The following TLN2 variants were observed in gnomAD, a reference collection of about 807,000 sequenced individuals.
TLN2 encodes the protein talin-2.
A neutral mutation model predicts 294.7 loss-of-function variants in TLN2; 118 were observed. That is an observed-to-expected ratio of 0.40 (90% confidence interval 0.34 to 0.47). The LOEUF is 0.47. TLN2 is among the 20% of genes least tolerant of loss of function. The pLI is 0.84. For synonymous variants in TLN2, 1,431 were observed against 1,304.5 expected (o/e 1.10, Z -2.09); for missense variants, 3,083 against 3,282.2 (o/e 0.94, Z 1.48).
chr15:62,686,834 G>T (rs201477913), intron 12 of TLN2, 38 bp downstream of exon 12: 293 of 1,607,036 alleles, frequency 1.8e-4, no homozygotes, highest in Non-Finnish European at 2.4e-4. Context: ...CACTAGCGTG[G>T]CCTTGAGTGA....
chr15:62,484,813 T>G (rs971970073), intron 1 of TLN2, among the ~76,000 whole-genome samples: 1 of 152,188 alleles, frequency 6.6e-6, no homozygotes, highest in Non-Finnish European at 1.5e-5. Flanking sequence ...TCAAAAGGGA[T>G]GAAAACTCGC....
intron 9 of TLN2, among the ~76,000 whole-genome samples, chr15:62,658,979 G>C (rs935832753): frequency 6.6e-6 from 1 of 152,144 alleles, no homozygotes; most frequent in Non-Finnish European, 1.5e-5. Flanking sequence ...AGAAAATGGA[G>C]GGAAGATTGA....
chr15:62,681,644 G>A lies in TLN2; in HGVS notation c.958-4997G>A, dbSNP rs190315661. On this transcript the variant is annotated intron_variant, in intron 11 of 58. Transcript: ENST00000636159. ...AATAGTAGAAACTTATATGACCTTA[G>A]GGAAAGTACCTAAACTCTCTAAATC... 2.3e-3 allele frequency among the ~76,000 whole-genome samples: 347 copies of A among 152,166 alleles called. 3 individuals are homozygous for A. Among genetic ancestry groups the A allele is most frequent in the African/African-American group, 8.1e-3 (337 of 41,510 alleles).
intron 19 of TLN2, among the ~76,000 whole-genome samples, chr15:62,703,325 A>G (rs991483291): frequency 6.6e-6 from 1 of 152,048 alleles, no homozygotes; most frequent in South Asian, 2.1e-4. Context: ...CTGGTCTCGA[A>G]CTTTGACCTC....
intron 1 of TLN2, among the ~76,000 whole-genome samples, chr15:62,575,195 C>T (rs1346690951): frequency 6.6e-6 from 1 of 151,924 alleles, no homozygotes; most frequent in Non-Finnish European, 1.5e-5. Flanking sequence ...TGCCAGTAGT[C>T]CCAGCTACTT....
chr15:62,757,745 G>A (rs776686020), intron 37 of TLN2, among the ~76,000 whole-genome samples: 1 of 152,138 alleles, frequency 6.6e-6, no homozygotes, highest in Non-Finnish European at 1.5e-5. Context: ...AAAAGATAAA[G>A]GCCTCCGTCT....
intron 48 of TLN2, 104 bp downstream of exon 48, chr15:62,797,506 C>T: frequency 5.9e-6 from 8 of 1,350,304 alleles, no homozygotes; most frequent in Non-Finnish European, 7.9e-6. Flanking sequence ...TTGAAGTAGA[C>T]AATGTGTGTG....
chr15:62,503,018 C>T lies in TLN2; in HGVS notation c.-237-86669C>T, dbSNP rs1198684927. ...CAAATACTGCTTTATTAGCCACCCC[C>T]TCTTCCAAGGCCAGGTGATTTGTGC... On this transcript the variant is annotated intron_variant, in intron 1 of 58. Transcript: ENST00000636159. 1.3e-5 allele frequency among the ~76,000 whole-genome samples: 2 copies of T among 152,200 alleles called. 1 individual carries two copies. The highest frequency in any genetic ancestry group is 1.3e-4 in the Admixed American group (2 of 15,282).
chr15:62,437,618 T>G (rs1262077293), intron 1 of TLN2, among the ~76,000 whole-genome samples: 1 of 152,160 alleles, frequency 6.6e-6, no homozygotes, highest in African/African-American at 2.4e-5. Context: ...TAGTACTGTG[T>G]GTCATCTGGA....
intron 16 of TLN2, among the ~76,000 whole-genome samples, chr15:62,700,753 T>C (rs994123306): frequency 6.6e-6 from 1 of 152,236 alleles, no homozygotes; most frequent in African/African-American, 2.4e-5. Context: ...CAACTATTAG[T>C]GCTAATGTGC....
At chr15:62,487,953 C>CT (rs147348015) in intron 1 of TLN2, among the ~76,000 whole-genome samples, 6,365 of 151,874 alleles carry the variant, frequency 0.042, 462 homozygotes, top group African/African-American at 0.14. Context: ...TGGCACGTGC[C>CT]TGTAGTCCCA....
chr15:62,672,509 A>T (rs979782828), intron 9 of TLN2, among the ~76,000 whole-genome samples: 7 of 152,170 alleles, frequency 4.6e-5, no homozygotes, highest in African/African-American at 1.4e-4. Context: ...CCATGAGTTG[A>T]TAACTCTCGA....
At chr15:62,782,493 G>A (rs939649273) in intron 44 of TLN2, among the ~76,000 whole-genome samples, 3 of 152,206 alleles carry the variant, frequency 2.0e-5, no homozygotes, top group African/African-American at 7.2e-5. Context: ...GCCAGGTCCT[G>A]AGCTGCCTTG....
chr15:62,511,252 G>A (rs2039919209), intron 1 of TLN2, among the ~76,000 whole-genome samples: 1 of 152,158 alleles, frequency 6.6e-6, no homozygotes, highest in Non-Finnish European at 1.5e-5. Context: ...GTCTATTAGT[G>A]TGTTTTTTTA....
intron 1 of TLN2, among the ~76,000 whole-genome samples, chr15:62,504,207 T>C (rs1218308358): frequency 6.6e-6 from 1 of 152,238 alleles, no homozygotes; most frequent in African/African-American, 2.4e-5. Flanking sequence ...ACCGTTTTTA[T>C]AGATTAGAAG....
chr15:62,441,011 G>C (rs917750781), intron 1 of TLN2, among the ~76,000 whole-genome samples: 1 of 152,194 alleles, frequency 6.6e-6, no homozygotes, highest in Non-Finnish European at 1.5e-5. Flanking sequence ...TTCATCAGGT[G>C]CTTTATCCAT....
intron 1 of TLN2, among the ~76,000 whole-genome samples, chr15:62,521,420 C>T (rs2140473416): frequency 6.6e-6 from 1 of 152,268 alleles, no homozygotes; most frequent in Non-Finnish European, 1.5e-5. Flanking sequence ...GAAACAGTCT[C>T]AAGAGGTCCT....
rs1403602831 is a variant in TLN2, at chr15:62,840,463, C to T, written c.7501-19C>T. The T allele has an allele frequency of 6.2e-7, 1 of 1,613,596 alleles. No homozygotes were observed. The highest frequency in any genetic ancestry group is 1.3e-5 in the African/African-American group (1 of 74,902). On this transcript the variant is annotated intron_variant, in intron 58 of 58. Transcript: ENST00000636159. ...TCTACAAAGTGTTAGGTCCATCCAGCTTGTTGCTTTCTTTCTAGATCATCG... is the reference window on the plus strand; with the variant it reads ...TCTACAAAGTGTTAGGTCCATCCAGTTTGTTGCTTTCTTTCTAGATCATCG...
chr15:62,775,659 G>A (rs1202096903), intron 42 of TLN2, among the ~76,000 whole-genome samples: 1 of 152,170 alleles, frequency 6.6e-6, no homozygotes, highest in Admixed American at 6.5e-5. Context: ...CACCCAACGA[G>A]TTCTCGTTTA....
Sources: gnomAD v4.1 joint callset for allele counts (sites outside exome capture counted in the v4.1 genomes callset) on GRCh38, gnomAD v4.1.1 for gene constraint, MANE v1.5 for transcripts, NCBI Gene and HGNC (gene_info 2026-07-23, HGNC 2026-07-21) for gene names.